The following DCDC2 variants were observed in gnomAD, a reference collection of about 807,000 sequenced individuals.
DCDC2 encodes the protein doublecortin domain containing 2.
In DCDC2, 40 loss-of-function variants were observed where a neutral mutation model predicts 50.2. The ratio of observed to expected loss-of-function variants is 0.80; its 90% confidence interval spans 0.62 to 1.04. The LOEUF (loss-of-function observed/expected upper bound fraction) is 1.04, where lower values mean the gene tolerates loss of function less well. DCDC2 is among the 50% of genes least tolerant of loss of function. The probability of loss-of-function intolerance (pLI) is 0.00; values close to 1 mark genes in which losing one functional copy is unlikely to be tolerated. For missense variants in DCDC2, 570 were observed against 581.9 expected (o/e 0.98, Z 0.21); for synonymous variants, 234 against 210.6 (o/e 1.11, Z -0.96).
chr6:24,306,071 T>A (rs562703147), intron 2 of DCDC2, among the ~76,000 whole-genome samples: 13 of 151,674 alleles, frequency 8.6e-5, no homozygotes, highest in East Asian at 3.9e-4. Context: ...ACTTGAAATA[T>A]GAGGGTAATA....
At chr6:24,330,129 A>G (rs1296815274) in intron 2 of DCDC2, among the ~76,000 whole-genome samples, 1 of 152,190 alleles carries the variant, frequency 6.6e-6, no homozygotes, top group Non-Finnish European at 1.5e-5. Context: ...CTGTACCCCA[A>G]TTAGCAATAA....
intron 5 of DCDC2, among the ~76,000 whole-genome samples, chr6:24,290,342 A>G (rs1258629288): frequency 6.6e-5 from 10 of 152,156 alleles, no homozygotes; most frequent in Admixed American, 5.2e-4. Context: ...GCTGAAATAA[A>G]GCATCTTTCA....
intron 2 of DCDC2, among the ~76,000 whole-genome samples, chr6:24,332,230 C>T (rs770472238): frequency 6.6e-6 from 1 of 151,286 alleles, no homozygotes; most frequent in Non-Finnish European, 1.5e-5. Context: ...TTCCCCTCCC[C>T]GAAAACCGGG....
chr6:24,359,117 A>T (rs867556112), upstream of DCDC2, among the ~76,000 whole-genome samples: 316 of 45,954 alleles, frequency 6.9e-3, 11 homozygotes, highest in African/African-American at 0.035. Flanking sequence ...ATTATATATT[A>T]TATATATTAT....
At chr6:24,284,233 G>A (rs144731866) in intron 6 of DCDC2, among the ~76,000 whole-genome samples, 3 of 152,262 alleles carry the variant, frequency 2.0e-5, no homozygotes, top group African/African-American at 7.2e-5. Flanking sequence ...TCACATACCT[G>A]TACGTGTCCC....
At chr6:24,275,364 G>A (rs1485663938) in intron 7 of DCDC2, among the ~76,000 whole-genome samples, 4 of 152,134 alleles carry the variant, frequency 2.6e-5, no homozygotes, top group African/African-American at 9.7e-5. Flanking sequence ...AAGCTAATAT[G>A]CTTAAAGTTA....
At chr6:24,283,302 TC>T (rs2113823799) in intron 6 of DCDC2, among the ~76,000 whole-genome samples, 2 of 152,068 alleles carry the variant, frequency 1.3e-5, no homozygotes, top group East Asian at 3.9e-4. Flanking sequence ...TTTCTGTGAC[TC>T]CCGCAGCACT....
chr6:24,367,586 T>C, the DCDC2 span, among the ~76,000 whole-genome samples: 2 of 152,242 alleles, frequency 1.3e-5, no homozygotes, highest in Non-Finnish European at 2.9e-5. Context: ...TAATTAACTC[T>C]GTCTTTGTGA....
intron 2 of DCDC2, among the ~76,000 whole-genome samples, chr6:24,304,776 C>T (rs1759440724): frequency 6.6e-6 from 1 of 152,178 alleles, no homozygotes; most frequent in South Asian, 2.1e-4. Context: ...GAGATTGTTT[C>T]AAATGGGTAC....
At chr6:24,237,966 G>T (rs1479504160) in intron 7 of DCDC2, among the ~76,000 whole-genome samples, 1 of 149,972 alleles carries the variant, frequency 6.7e-6, no homozygotes, top group Non-Finnish European at 1.5e-5. Flanking sequence ...CTACCTATTG[G>T]GTACTATACT....
chr6:24,293,973 T>C (rs1763804712), intron 4 of DCDC2, among the ~76,000 whole-genome samples: 1 of 152,196 alleles, frequency 6.6e-6, no homozygotes, highest in African/African-American at 2.4e-5. Context: ...AAGAAGTTCT[T>C]TGAAACTGAG....
intron 7 of DCDC2, among the ~76,000 whole-genome samples, chr6:24,261,664 G>C (rs116663624): frequency 0.011 from 1,688 of 152,104 alleles, 21 homozygotes; most frequent in African/African-American, 0.033. Context: ...CTTCCTTATT[G>C]ACTTTTCTCA....
intron 8 of DCDC2, among the ~76,000 whole-genome samples, chr6:24,186,972 T>A (rs1329484490): frequency 6.6e-6 from 1 of 152,188 alleles, no homozygotes; most frequent in Non-Finnish European, 1.5e-5. Context: ...AACACCTTGA[T>A]CTCAGACTTT....
intron 7 of DCDC2, among the ~76,000 whole-genome samples, chr6:24,234,943 ATACTT>A (rs890655899): frequency 1.3e-5 from 2 of 152,210 alleles, no homozygotes; most frequent in Non-Finnish European, 2.9e-5. Context: ...TAACAAATAA[ATACTT>A]AATAACAAAA....
chr6:24,284,816 G>A (rs534588409), intron 6 of DCDC2, among the ~76,000 whole-genome samples: 1 of 152,070 alleles, frequency 6.6e-6, no homozygotes, highest in Non-Finnish European at 1.5e-5. Context: ...GTGTGACTTT[G>A]TTTCCTCTGC....
upstream of DCDC2, among the ~76,000 whole-genome samples, chr6:24,358,536 G>T (rs1368166263): frequency 9.2e-5 from 12 of 129,934 alleles, no homozygotes; most frequent in Non-Finnish European, 3.2e-5. Context: ...AAAAAAAAAA[G>T]TAGGTGGGCA....
Position 24,357,978 on chromosome 6 carries a change from C to T in DCDC2, c.-228G>A. 2 of 1,452,788 alleles carry T rather than the reference C, an allele frequency of 1.4e-6. No individual in the cohort carries two copies. The highest frequency in any genetic ancestry group is 1.8e-6 in the Non-Finnish European group (2 of 1,094,626). 90.0% of individuals were successfully genotyped at this position (1,452,788 alleles called of 1,614,324 possible). On this transcript the variant is annotated 5_prime_UTR_variant, in exon 1 of 10. Transcript: ENST00000378454. ...TAGACGCTCAAGTTTTTCACCGTGGCGTGCACAGCCAATCAGGACCCGCAG... is the reference window on the plus strand; with the variant it reads ...TAGACGCTCAAGTTTTTCACCGTGGTGTGCACAGCCAATCAGGACCCGCAG...
At chr6:24,358,151 T>G, upstream of DCDC2, 1 of 482,990 alleles carries the variant, frequency 2.1e-6, no homozygotes, top group Non-Finnish European at 3.7e-6. Flanking sequence ...CACACACAAA[T>G]ATGGTGAAAC....
upstream of DCDC2, among the ~76,000 whole-genome samples, chr6:24,361,618 G>A (rs545846112): frequency 2.4e-4 from 36 of 152,100 alleles, no homozygotes; most frequent in Admixed American, 1.2e-3. Context: ...ATGTGGAAAT[G>A]GAAGGCAATC....
Sources: gnomAD v4.1 joint callset for allele counts (sites outside exome capture counted in the v4.1 genomes callset) on GRCh38, gnomAD v4.1.1 for gene constraint, MANE v1.5 for transcripts, NCBI Gene and HGNC (gene_info 2026-07-23, HGNC 2026-07-21) for gene names.